The following DISC1 variants were observed in gnomAD, a reference collection of about 807,000 sequenced individuals.
DISC1 encodes the protein disrupted in schizophrenia 1 protein.
A neutral mutation model predicts 84.5 loss-of-function variants in DISC1; 57 were observed. That is an observed-to-expected ratio of 0.67 (90% CI 0.55 to 0.84). The LOEUF (loss-of-function observed/expected upper bound fraction) is 0.84, where lower values mean the gene tolerates loss of function less well. Among genes scored for constraint, DISC1 ranks in the 40% least tolerant of loss-of-function variants. The pLI, the probability that DISC1 is intolerant of heterozygous loss-of-function variation, is 0.00. For synonymous variants in DISC1, 411 were observed against 415.2 expected, an observed-to-expected ratio of 0.99 and a Z score of 0.12; for missense variants, 1,000 against 1,057.8, an observed-to-expected ratio of 0.95 and a Z score of 0.76.
At chr1:231,889,563 A>G (rs2087050220) in intron 9 of DISC1, among the ~76,000 whole-genome samples, 1 of 152,000 alleles carries the variant, frequency 6.6e-6, no homozygotes, top group African/African-American at 2.4e-5. Context: ...CTGTTTCTGG[A>G]CTCTTTAGGA....
intron 8 of DISC1, among the ~76,000 whole-genome samples, chr1:231,812,777 C>G (rs2080435898): frequency 6.7e-6 from 1 of 149,086 alleles, no homozygotes; most frequent in Non-Finnish European, 1.5e-5. Context: ...TCAGCATTGA[C>G]TTTCCAAATT....
In DISC1 at chr1:232,038,014, T is replaced by G. The variant is rs565186019; in HGVS notation, c.*1183T>G. 6.6e-6 allele frequency: 1 copy of G among 152,246 alleles called. No homozygotes were observed. The highest frequency in any genetic ancestry group is 2.1e-4 in the South Asian group (1 of 4,814). 9.4% of individuals were successfully genotyped at this position (152,246 alleles called of 1,614,324 possible). On this transcript the variant is annotated 3_prime_UTR_variant, in exon 13 of 13. Coordinates refer to ENST00000439617, the MANE Select transcript of DISC1 (RefSeq NM_018662.3). ...CTCAGTAACACAGTGCAGTACTCAG[T>G]AATACAGTACAGTACTCAGTAAGGC...
chr1:231,805,372 A>G (rs946942577), intron 8 of DISC1, among the ~76,000 whole-genome samples: 1 of 152,034 alleles, frequency 6.6e-6, no homozygotes, highest in African/African-American at 2.4e-5. Context: ...GATTCTGCAA[A>G]TTGTACAGGA....
At chr1:231,659,159 C>T (rs1395842124) in intron 1 of DISC1, among the ~76,000 whole-genome samples, 1 of 152,068 alleles carries the variant, frequency 6.6e-6, no homozygotes, top group Non-Finnish European at 1.5e-5. Context: ...AATTTCAGAA[C>T]TCATTATTGG....
In DISC1 at chr1:232,029,171, A is replaced by G. The variant is rs553171631; in HGVS notation, c.2425+2619A>G. Among the ~76,000 whole-genome samples the G allele has an allele frequency of 4.6e-4, 70 of 152,306 alleles. 1 individual carries two copies. Among genetic ancestry groups the G allele is most frequent in the African/African-American group, 1.7e-3 (69 of 41,564 alleles). On this transcript the variant is annotated intron_variant, in intron 12 of 12. Coordinates refer to ENST00000439617, the MANE Select transcript of DISC1 (RefSeq NM_018662.3). ...CACTGATCTCTGTTGTGATAAGCGG[A>G]GAAGCACTGGTTTAGGTACTGAAGT...
At chr1:231,929,529 C>T (rs528894400) in intron 9 of DISC1, among the ~76,000 whole-genome samples, 8 of 152,324 alleles carry the variant, frequency 5.3e-5, no homozygotes, top group African/African-American at 1.9e-4. Context: ...CATGGCACTG[C>T]GCTGCCTCAG....
At chr1:231,889,066 C>G (rs1169872679) in intron 9 of DISC1, among the ~76,000 whole-genome samples, 1 of 152,176 alleles carries the variant, frequency 6.6e-6, no homozygotes, top group Non-Finnish European at 1.5e-5. Flanking sequence ...GTTCTGAGCA[C>G]TCTTTCTGCA....
At chr1:232,021,936 C>T (rs984322576) in intron 11 of DISC1, among the ~76,000 whole-genome samples, 3 of 152,096 alleles carry the variant, frequency 2.0e-5, no homozygotes, top group African/African-American at 7.2e-5. Flanking sequence ...AGGCTCTCAT[C>T]CAGACATCTA....
chr1:231,948,103 T>G (rs1329127495), intron 9 of DISC1, among the ~76,000 whole-genome samples: 2 of 151,856 alleles, frequency 1.3e-5, no homozygotes, highest in Non-Finnish European at 2.9e-5. Context: ...CAATCCCATA[T>G]ACCCAAAGGA....
chr1:231,913,676 C>T (rs2126061522), intron 9 of DISC1, among the ~76,000 whole-genome samples: 1 of 152,344 alleles, frequency 6.6e-6, no homozygotes, highest in Non-Finnish European at 1.5e-5. Context: ...GTTTACTTCT[C>T]ATTTTCATGT....
At chr1:231,846,579 A>G (rs568814509) in intron 9 of DISC1, among the ~76,000 whole-genome samples, 1 of 152,338 alleles carries the variant, frequency 6.6e-6, no homozygotes, top group South Asian at 2.1e-4. Context: ...TGGGTTTGAC[A>G]AAGGCAGGTA....
At chr1:231,969,563 AAGATACTC>A in intron 10 of DISC1, among the ~76,000 whole-genome samples, 1 of 150,358 alleles carries the variant, frequency 6.7e-6, no homozygotes, top group Middle Eastern at 3.5e-3. Flanking sequence ...TTTTGGGGTG[AAGATACTC>A]CAATATACTT....
intron 9 of DISC1, among the ~76,000 whole-genome samples, chr1:231,938,755 G>C (rs2091128415): frequency 6.6e-6 from 1 of 152,142 alleles, no homozygotes; most frequent in Admixed American, 6.5e-5. Context: ...GATTCTAATA[G>C]CTTCAATTAA....
At chr1:231,951,036 T>G (rs1658279360) in intron 9 of DISC1, among the ~76,000 whole-genome samples, 2 of 152,192 alleles carry the variant, frequency 1.3e-5, no homozygotes, top group African/African-American at 4.8e-5. Flanking sequence ...AGTGGAGGCA[T>G]CAACATAGTT....
At chr1:231,832,104 G>A (rs1192144560) in intron 9 of DISC1, among the ~76,000 whole-genome samples, 1 of 152,200 alleles carries the variant, frequency 6.6e-6, no homozygotes, top group Non-Finnish European at 1.5e-5. Flanking sequence ...GTCCATGCCA[G>A]GAACAGTGGT....
intron 11 of DISC1, 26 bp from the exon 12 acceptor site, chr1:232,026,409 T>C (rs2103042819): frequency 6.7e-7 from 1 of 1,485,870 alleles, no homozygotes; most frequent in Non-Finnish European, 9.3e-7. Flanking sequence ...CACTAACAAG[T>C]GATCTTGTTT....
intron 9 of DISC1, among the ~76,000 whole-genome samples, chr1:231,911,083 T>C (rs2089157337): frequency 6.6e-6 from 1 of 152,232 alleles, no homozygotes; most frequent in Non-Finnish European, 1.5e-5. Context: ...GCATGTGAGA[T>C]GGGTCTCCTG....
intron 6 of DISC1, among the ~76,000 whole-genome samples, chr1:231,784,968 C>A (rs2077718868): frequency 6.6e-6 from 1 of 152,122 alleles, no homozygotes; most frequent in African/African-American, 2.4e-5. Context: ...CCCTGTTGTG[C>A]CTTTACAAGA....
At chr1:231,782,106 C>A (rs1375262701) in intron 6 of DISC1, among the ~76,000 whole-genome samples, 1 of 152,160 alleles carries the variant, frequency 6.6e-6, no homozygotes, top group African/African-American at 2.4e-5. Context: ...ATATAGAGAT[C>A]GTTGTTAAAC....
Sources: allele counts gnomAD v4.1 joint callset (sites outside exome capture counted in the v4.1 genomes callset), GRCh38; gene constraint gnomAD v4.1.1; transcripts MANE v1.5; gene names NCBI Gene and HGNC (gene_info 2026-07-23, HGNC 2026-07-21).